PON3: variants seen among roughly 807,000 people sequenced by gnomAD.
PON3 encodes the protein paraoxonase 3.
A neutral mutation model predicts 36.3 loss-of-function variants in PON3; 37 were observed. The observed-to-expected ratio is 1.02, with a 90% confidence interval of 0.78 to 1.34. The LOEUF (loss-of-function observed/expected upper bound fraction) is 1.34. PON3 is among the 40% of genes most tolerant of loss of function. The pLI, the probability that PON3 is intolerant of heterozygous loss-of-function variation, is 0.00. For synonymous variants in PON3, 155 were observed against 154.8 expected, an observed-to-expected ratio of 1.00 and a Z score of -0.01; for missense variants, 415 against 426.5, an observed-to-expected ratio of 0.97 and a Z score of 0.24.
chr7:95,370,868 T>C (rs1228473652), intron 4 of PON3, among the ~76,000 whole-genome samples: 5 of 152,222 alleles, frequency 3.3e-5, no homozygotes, highest in Non-Finnish European at 1.5e-5. Flanking sequence ...TTTTAGTATA[T>C]TCACAGAATT....
At chr7:95,368,814 C>CAAAAA (rs11388951) in intron 4 of PON3, among the ~76,000 whole-genome samples, 2 of 133,098 alleles carry the variant, frequency 1.5e-5, no homozygotes, top group African/African-American at 2.8e-5. Flanking sequence ...CAAAAACAAA[C>CAAAAA]AAAAAAAAAA....
At chr7:95,393,956 C>T (rs937133302) in intron 2 of PON3, among the ~76,000 whole-genome samples, 1 of 152,016 alleles carries the variant, frequency 6.6e-6, no homozygotes, top group South Asian at 2.1e-4. Context: ...TACAGTGGCG[C>T]GATCTCAGCT....
chr7:95,383,957 T>A (rs950750503), intron 3 of PON3, among the ~76,000 whole-genome samples: 15 of 152,084 alleles, frequency 9.9e-5, no homozygotes, highest in Non-Finnish European at 1.8e-4. Context: ...CAAACTATAC[T>A]ACAAGGCTAC....
At chr7:95,389,437 T>C (rs936691281) in intron 3 of PON3, among the ~76,000 whole-genome samples, 1 of 152,226 alleles carries the variant, frequency 6.6e-6, no homozygotes, top group African/African-American at 2.4e-5. Context: ...AGAATTCACA[T>C]TGAAAATGTG....
intron 4 of PON3, among the ~76,000 whole-genome samples, chr7:95,369,274 A>T (rs1378118627): frequency 6.6e-6 from 1 of 152,184 alleles, no homozygotes; most frequent in Non-Finnish European, 1.5e-5. Flanking sequence ...ACAAATCAAT[A>T]TGCTTTTATG....
chr7:95,384,663 C>T (rs1417319663), intron 3 of PON3, among the ~76,000 whole-genome samples: 1 of 152,154 alleles, frequency 6.6e-6, no homozygotes, highest in African/African-American at 2.4e-5. Flanking sequence ...CCATCTCACA[C>T]CAGTTAGAAT....
Position 95,360,130 on chromosome 7 carries a change from A to G in PON3, c.908T>C (p.Val303Ala). The change falls in exon 9 of 9, where the codon GTA becomes GCA. Residue 303 changes from valine to alanine, a missense_variant and splice_region_variant. Physicochemically the swap from Val to Ala is moderately conservative, Grantham distance 64. Transcript: ENST00000265627. ...YNPEDPPGSE[V>A]LRIQNVLSEK... Reference sequence around the variant, plus strand: ...AGACAAAACATTCTGGATGCGAAGTACCTGTCGAGAAAAGATCGTTTATTA... The same window carrying G: ...AGACAAAACATTCTGGATGCGAAGTGCCTGTCGAGAAAAGATCGTTTATTA... The G allele has an allele frequency of 6.2e-7, 1 of 1,612,580 alleles. No individual in the cohort carries two copies. Among genetic ancestry groups the G allele is most frequent in the Non-Finnish European group, 8.5e-7 (1 of 1,178,618 alleles).
intron 4 of PON3, among the ~76,000 whole-genome samples, chr7:95,371,588 A>G (rs886154979): frequency 1.3e-5 from 2 of 152,124 alleles, no homozygotes; most frequent in African/African-American, 2.4e-5. Flanking sequence ...GCCTTTGTGT[A>G]TCTTAGGAGA....
chr7:95,371,449 C>T (rs747230467), intron 4 of PON3, among the ~76,000 whole-genome samples: 1 of 152,118 alleles, frequency 6.6e-6, no homozygotes, highest in Non-Finnish European at 1.5e-5. Flanking sequence ...TACATCCTTG[C>T]CAACATTTGT....
chr7:95,392,025 G>C (rs1267583511), intron 2 of PON3, among the ~76,000 whole-genome samples: 3 of 152,168 alleles, frequency 2.0e-5, no homozygotes, highest in Non-Finnish European at 4.4e-5. Context: ...TAATTCTTCT[G>C]TATGTCAATT....
intron 3 of PON3, among the ~76,000 whole-genome samples, chr7:95,377,095 C>G (rs1808934179): frequency 1.3e-5 from 2 of 152,230 alleles, no homozygotes; most frequent in African/African-American, 4.8e-5. Flanking sequence ...AGGAAATTCC[C>G]TCCCGTGTCT....
intron 3 of PON3, among the ~76,000 whole-genome samples, chr7:95,379,266 C>A (rs1286736017): frequency 6.6e-6 from 1 of 152,230 alleles, no homozygotes; most frequent in African/African-American, 2.4e-5. Flanking sequence ...ATCTACAGCA[C>A]CCAGCATGAG....
intron 4 of PON3, 63 bp from the exon 5 acceptor site, chr7:95,367,551 G>A (rs1003439596): frequency 6.3e-7 from 1 of 1,579,554 alleles, no homozygotes; most frequent in African/African-American, 1.4e-5. Flanking sequence ...TATTAGACTT[G>A]TTTTAAAACT....
Position 95,396,297 on chromosome 7 carries a change from C to A in PON3, c.54G>T (p.Gly18=). The A allele has an allele frequency of 6.2e-7, 1 of 1,614,064 alleles. No homozygotes were observed. Among genetic ancestry groups the A allele is most frequent in the African/African-American group, 1.3e-5 (1 of 75,038 alleles). ...CTCACCTAAACGCCAGGAACATCTC[C>A]CCGACTAAGGACAGGCCGACCCCCA... The part of the protein sequence containing the change: ...VLLGVGLSLV[G]EMFLAFRERV... The change falls in exon 1 of 9, where the codon GGG becomes GGT. Residue 18 remains glycine, a synonymous_variant. Coordinates refer to ENST00000265627, the MANE Select transcript of PON3 (RefSeq NM_000940.3).
chr7:95,369,666 C>A (rs1212467506), intron 4 of PON3, among the ~76,000 whole-genome samples: 1 of 152,096 alleles, frequency 6.6e-6, no homozygotes, highest in Non-Finnish European at 1.5e-5. Context: ...ATCCCAGCTA[C>A]TTGGGAGGCT....
chr7:95,391,858 C>G (rs1809326295), intron 2 of PON3, among the ~76,000 whole-genome samples: 1 of 152,136 alleles, frequency 6.6e-6, no homozygotes, highest in Non-Finnish European at 1.5e-5. Context: ...TCCACTGTTG[C>G]AATACTTTCC....
chr7:95,394,775 A>T, intron 1 of PON3, 61 bp from the exon 2 acceptor site: 1 of 1,334,484 alleles, frequency 7.5e-7, no homozygotes. Context: ...GTATGTTTAA[A>T]TGTGGACTTC....
At chr7:95,362,301 C>A in intron 8 of PON3, 61 bp downstream of exon 8, 1 of 1,600,256 alleles carries the variant, frequency 6.2e-7, no homozygotes, top group South Asian at 1.1e-5. Context: ...TCTTCCAAGT[C>A]ACCCCAACAA....
At chr7:95,395,635 A>C (rs1490136204) in intron 1 of PON3, among the ~76,000 whole-genome samples, 1 of 152,162 alleles carries the variant, frequency 6.6e-6, no homozygotes, top group Non-Finnish European at 1.5e-5. Context: ...TCCACTCATG[A>C]ATGTGTATTA....
Sources: gnomAD v4.1 joint callset for allele counts (sites outside exome capture counted in the v4.1 genomes callset) on GRCh38, gnomAD v4.1.1 for gene constraint, MANE v1.5 for transcripts, NCBI Gene and HGNC (gene_info 2026-07-23, HGNC 2026-07-21) for gene names.